Variants in BCAP31 observed in about 807,000 individuals in gnomAD.
BCAP31 encodes B-cell receptor-associated protein 31.
For missense variants in BCAP31, 124 were observed against 193.0 expected, an observed-to-expected ratio of 0.64 and a Z score of 2.12; for synonymous variants, 75 against 80.9, an observed-to-expected ratio of 0.93 and a Z score of 0.39.
intron 4 of BCAP31, among the ~76,000 whole-genome samples, chrX:153,708,410 C>T (rs1480061045): frequency 8.9e-6 from 1 of 112,385 alleles, no homozygotes; most frequent in Admixed American, 9.3e-5. Flanking sequence ...CAAAAGATTC[C>T]ATGCTGTGGC....
intron 3 of BCAP31, among the ~76,000 whole-genome samples, chrX:153,716,819 T>C (rs1382428547): frequency 9.0e-6 from 1 of 111,507 alleles, no homozygotes; most frequent in Admixed American, 9.5e-5. Context: ...ACCTGCAGGA[T>C]ACCAGCTAGG....
At chrX:153,716,626 G>A (rs2091630847) in intron 3 of BCAP31, among the ~76,000 whole-genome samples, 1 of 108,455 alleles carries the variant, frequency 9.2e-6, no homozygotes, top group African/African-American at 3.4e-5. Flanking sequence ...TGGGCATGGT[G>A]CTGCACACCT....
At chrX:153,717,504 C>G (rs2148381555) in intron 3 of BCAP31, among the ~76,000 whole-genome samples, 1 of 112,538 alleles carries the variant, frequency 8.9e-6, no homozygotes, top group South Asian at 3.6e-4. Flanking sequence ...GTGGCACGAT[C>G]CCAGCTCACT....
intron 4 of BCAP31, among the ~76,000 whole-genome samples, chrX:153,713,881 CTTTTTTTTTTTTTT>C (rs1209475410): frequency 3.1e-5 from 2 of 63,532 alleles, no homozygotes; most frequent in African/African-American, 1.5e-4. Flanking sequence ...CGATACTATT[CTTTTTTTTTTTTTT>C]TTTTTTTTTT....
chrX:153,720,736 A>G, intron 3 of BCAP31, 136 bp downstream of exon 3: 2 of 538,562 alleles, frequency 3.7e-6, no homozygotes, highest in Non-Finnish European at 3.0e-6. Context: ...CCCTCCCTCA[A>G]GAGAAAGACA....
At chrX:153,708,810 C>CCT (rs2091571237) in intron 4 of BCAP31, among the ~76,000 whole-genome samples, 6 of 112,759 alleles carry the variant, frequency 5.3e-5, no homozygotes, top group Non-Finnish European at 9.4e-5. Context: ...AAGGCTGCCC[C>CCT]AAAGGGCTGC....
intron 4 of BCAP31, among the ~76,000 whole-genome samples, chrX:153,707,891 T>C (rs1444806613): frequency 8.8e-6 from 1 of 113,340 alleles, no homozygotes; most frequent in South Asian, 3.6e-4. Flanking sequence ...CCTTGTAGCT[T>C]CCCAGGCCCC....
At chrX:153,703,244 G>GC (rs1460763566) in intron 5 of BCAP31, among the ~76,000 whole-genome samples, 186 bp from the exon 6 acceptor site, 1 of 113,208 alleles carries the variant, frequency 8.8e-6, no homozygotes, top group African/African-American at 3.2e-5. Context: ...GTGGCTGCCC[G>GC]CCGAGGGAAA....
chrX:153,702,633 C>T (rs1240234999), intron 6 of BCAP31, among the ~76,000 whole-genome samples: 29 of 112,362 alleles, frequency 2.6e-4, no homozygotes, highest in Admixed American at 2.8e-4. Flanking sequence ...CTGGGGCTAC[C>T]GTGCCACACT....
intron 3 of BCAP31, among the ~76,000 whole-genome samples, chrX:153,718,547 T>C (rs2091644652): frequency 9.0e-6 from 1 of 111,439 alleles, no homozygotes; most frequent in Non-Finnish European, 1.9e-5. Context: ...GATGTCAGCA[T>C]ACAAAACCCC....
In BCAP31 at chrX:153,702,972, C is replaced by T. The variant is rs1557047702; in HGVS notation, c.564G>A (p.Leu188=). ...TGGCCAGCTCGTCCTTTAGCTTCTG[C>T]AGGTCAGCCTTCAGGCTCCTGTTCT... is the stretch of plus-strand genomic sequence containing the variant. ...EEENRSLKAD[L]QKLKDELAST... Residue 188 remains leucine (L), a synonymous_variant, in exon 6 of 8, where the codon CTG becomes CTA. Coordinates refer to ENST00000345046, the MANE Select transcript of BCAP31 (RefSeq NM_001256447.2). 1 of 1,210,473 alleles carries T rather than the reference C, an allele frequency of 8.3e-7. No individual in the cohort carries two copies. Among genetic ancestry groups the T allele is most frequent in the Middle Eastern group, 2.9e-4 (1 of 3,444 alleles).
chrX:153,709,507 G>A (rs1242634577), intron 4 of BCAP31, among the ~76,000 whole-genome samples: 3 of 112,142 alleles, frequency 2.7e-5, no homozygotes, highest in South Asian at 3.7e-4. Context: ...GGGAGCTGCC[G>A]TCCCCAACAC....
chrX:153,717,416 G>GT (rs2091636671), intron 3 of BCAP31, among the ~76,000 whole-genome samples: 1 of 112,066 alleles, frequency 8.9e-6, no homozygotes. Context: ...GAGGAGCAAG[G>GT]TATCACTGTA....
chrX:153,721,460 T>C (rs2091665708), intron 2 of BCAP31, among the ~76,000 whole-genome samples: 1 of 101,267 alleles, frequency 9.9e-6, no homozygotes, highest in Non-Finnish European at 2.0e-5. Flanking sequence ...AAAAAGATGC[T>C]GGTCCACGTA....
intron 4 of BCAP31, among the ~76,000 whole-genome samples, chrX:153,710,764 C>T (rs1234454193): frequency 2.7e-5 from 3 of 111,583 alleles, no homozygotes; most frequent in Non-Finnish European, 3.8e-5. Context: ...TGTTCTGAGC[C>T]CAGTCCCGCT....
At chrX:153,719,859 A>G (rs2091653064) in intron 3 of BCAP31, among the ~76,000 whole-genome samples, 1 of 111,648 alleles carries the variant, frequency 9.0e-6, no homozygotes, top group Admixed American at 9.5e-5. Context: ...TCTGCCTTTC[A>G]TCTTACCACC....
intron 4 of BCAP31, among the ~76,000 whole-genome samples, chrX:153,714,021 C>T (rs1434232381): frequency 1.9e-5 from 2 of 106,569 alleles, no homozygotes; most frequent in Non-Finnish European, 3.9e-5. Context: ...ACTACAGGCA[C>T]CTACCACCAA....
In BCAP31 at chrX:153,724,362, C is replaced by T. The variant is rs1370753595; in HGVS notation, c.-73G>A. 1 of 133,589 alleles carries T rather than the reference C, an allele frequency of 7.5e-6. No homozygotes were observed. Among genetic ancestry groups the T allele is most frequent in the Non-Finnish European group, 1.5e-5 (1 of 67,565 alleles). 11.0% of individuals were successfully genotyped at this position (133,589 alleles called of 1,213,427 possible). A position where few individuals can be genotyped will look rare whatever the true frequency, so the allele number is the denominator to read the frequency against. Reference sequence around the variant, plus strand: ...GTTTCCCACAGTCAACGTGCAGGCCCCGCCGCAGCAACAGAACTCTCCCAC... The same window carrying T: ...GTTTCCCACAGTCAACGTGCAGGCCTCGCCGCAGCAACAGAACTCTCCCAC... On this transcript the variant is annotated 5_prime_UTR_variant, in exon 1 of 8. Coordinates refer to ENST00000345046, the MANE Select transcript of BCAP31 (RefSeq NM_001256447.2).
intron 4 of BCAP31, among the ~76,000 whole-genome samples, chrX:153,714,655 G>A (rs1310695907): frequency 1.8e-5 from 2 of 111,001 alleles, no homozygotes; most frequent in Non-Finnish European, 3.8e-5. Context: ...AGATTCTTGA[G>A]TCTCGGGGCA....
Sources: gnomAD v4.1 joint callset for allele counts (sites outside exome capture counted in the v4.1 genomes callset) on GRCh38, gnomAD v4.1.1 for gene constraint, MANE v1.5 for transcripts, NCBI Gene and HGNC (gene_info 2026-07-23, HGNC 2026-07-21) for gene names.